Variants in SRGAP3 observed in about 807,000 individuals in gnomAD.
SRGAP3 encodes SLIT-ROBO Rho GTPase activating protein 3, also known as SLIT-ROBO Rho GTPase-activating protein 3.
Under a neutral mutation model 121.1 loss-of-function variants are expected in SRGAP3, and 39 were observed. The observed-to-expected ratio is 0.32, with a 90% confidence interval of 0.25 to 0.42. The LOEUF (loss-of-function observed/expected upper bound fraction) is 0.42. Among genes scored for constraint, SRGAP3 ranks in the 10% least tolerant of loss-of-function variants. The pLI, the probability that SRGAP3 is intolerant of heterozygous loss-of-function variation, is 1.00. For synonymous variants in SRGAP3, 601 were observed against 570.0 expected (o/e 1.05, Z -0.77); for missense variants, 1,213 against 1,470.6 (o/e 0.82, Z 2.86).
chr3:9,277,234 G>A (rs1202899033), intron 3 of SRGAP3, among the ~76,000 whole-genome samples: 1 of 152,068 alleles, frequency 6.6e-6, no homozygotes, highest in Non-Finnish European at 1.5e-5. Flanking sequence ...TGACTCATAG[G>A]TTTTACAGAA....
intron 1 of SRGAP3, among the ~76,000 whole-genome samples, chr3:9,362,411 G>A (rs1191291905): frequency 6.7e-6 from 1 of 150,298 alleles, no homozygotes; most frequent in African/African-American, 2.4e-5. Flanking sequence ...TGATCCACCC[G>A]CCTCAGCCTC....
chr3:9,354,590 A>G (rs1032702627), intron 1 of SRGAP3, among the ~76,000 whole-genome samples: 10 of 151,656 alleles, frequency 6.6e-5, no homozygotes, highest in Non-Finnish European at 2.9e-5. Flanking sequence ...GCTGAGGCAG[A>G]AGAATGGTGT....
intron 3 of SRGAP3, among the ~76,000 whole-genome samples, chr3:9,304,611 C>A (rs1288213415): frequency 6.6e-6 from 1 of 152,208 alleles, no homozygotes; most frequent in Non-Finnish European, 1.5e-5. Context: ...CTCCAAGCTA[C>A]AGCGAGTGGC....
At chr3:9,024,868 T>C (rs1421857237) in intron 14 of SRGAP3, among the ~76,000 whole-genome samples, 2 of 152,232 alleles carry the variant, frequency 1.3e-5, no homozygotes, top group Admixed American at 6.5e-5. Context: ...CAAGGTGCCC[T>C]TTCCCAGCAA....
At chr3:9,193,804 G>A (rs1951836132) in intron 1 of SRGAP3, 1 of 152,320 alleles carries the variant, frequency 6.6e-6, no homozygotes, top group African/African-American at 2.4e-5. Flanking sequence ...CCTTCTGAGT[G>A]AAGGTGATCC....
intron 3 of SRGAP3, among the ~76,000 whole-genome samples, chr3:9,316,370 A>G (rs114533311): frequency 0.047 from 6,948 of 149,170 alleles, 225 homozygotes; most frequent in Middle Eastern, 0.085. Flanking sequence ...AAAAAAAAAA[A>G]TTAATAGGCC....
chr3:9,047,346 T>C (rs561074925), intron 10 of SRGAP3, 45 bp downstream of exon 10: 2 of 1,596,926 alleles, frequency 1.3e-6, no homozygotes, highest in African/African-American at 2.7e-5. Context: ...TGAGAGCCAG[T>C]GGGGAACGCA....
chr3:9,323,930 C>T (rs952834980), intron 3 of SRGAP3, among the ~76,000 whole-genome samples: 17 of 151,692 alleles, frequency 1.1e-4, no homozygotes, highest in African/African-American at 3.6e-4. Context: ...GAACGATTTG[C>T]GAATTGGGCA....
At chr3:9,181,624 G>T (rs1194461605) in intron 1 of SRGAP3, among the ~76,000 whole-genome samples, 1 of 152,160 alleles carries the variant, frequency 6.6e-6, no homozygotes, top group Non-Finnish European at 1.5e-5. Flanking sequence ...TCTGTGCCTG[G>T]GCCCAAACAT....
chr3:9,273,299 G>A (rs574685507), intron 3 of SRGAP3, among the ~76,000 whole-genome samples: 2 of 152,302 alleles, frequency 1.3e-5, no homozygotes, highest in Admixed American at 1.3e-4. Context: ...ACAGGGGTTA[G>A]AGAACCCTGT....
chr3:9,058,381 C>T lies in SRGAP3; in HGVS notation c.893G>A (p.Gly298Glu). The stretch of plus-strand genomic sequence containing the variant: ...CACTGCATTCTCAATGACATCCAGC[C>T]CTTCGTGGCGAGAGGTCTCCAGGTT... ...EYNLETSRHE[G>E]LDVIENAVDN... is the part of the protein sequence containing the mutation. The change falls in exon 7 of 22, where the codon GGG (glycine) becomes GAG (glutamate). Residue 298 changes from glycine (G) to glutamate (E), a missense_variant. Physicochemically the swap from Gly to Glu is moderately conservative, Grantham distance 98. Coordinates refer to ENST00000383836, the MANE Select transcript of SRGAP3 (RefSeq NM_014850.4). 6.2e-7 allele frequency: 1 copy of T among 1,614,202 alleles called. No individual in the cohort carries two copies. Among genetic ancestry groups the T allele is most frequent in the Non-Finnish European group, 8.5e-7 (1 of 1,180,028 alleles).
intron 1 of SRGAP3, 50 bp from the exon 2 acceptor site, chr3:9,124,967 C>A (rs1358064906): frequency 6.2e-7 from 1 of 1,607,642 alleles, no homozygotes; most frequent in Non-Finnish European, 8.5e-7. Context: ...GGGACGGGGG[C>A]ACTGGGGCCC....
intron 3 of SRGAP3, among the ~76,000 whole-genome samples, chr3:9,308,091 GT>G (rs2125277290): frequency 6.6e-6 from 1 of 152,340 alleles, no homozygotes; most frequent in East Asian, 1.9e-4. Flanking sequence ...GGAGGCATAA[GT>G]TACAGTGAGC....
chr3:9,258,897 T>C (rs1421796384), intron 3 of SRGAP3, among the ~76,000 whole-genome samples: 2 of 152,184 alleles, frequency 1.3e-5, no homozygotes, highest in Non-Finnish European at 2.9e-5. Context: ...GAGTGAGCTT[T>C]TCACGTGTGA....
chr3:9,017,096 C>G (rs539367873), intron 14 of SRGAP3, among the ~76,000 whole-genome samples: 1 of 152,116 alleles, frequency 6.6e-6, no homozygotes, highest in South Asian at 2.1e-4. Context: ...ATTTCTCCAG[C>G]GGGCTCTGTT....
chr3:9,149,725 A>C (rs776498716), intron 1 of SRGAP3, among the ~76,000 whole-genome samples: 1 of 152,236 alleles, frequency 6.6e-6, no homozygotes, highest in Non-Finnish European at 1.5e-5. Context: ...AAGTAATCCC[A>C]GCCAAGTTCA....
intron 2 of SRGAP3, among the ~76,000 whole-genome samples, chr3:9,114,439 C>T (rs1488053751): frequency 6.6e-6 from 1 of 152,192 alleles, no homozygotes; most frequent in Admixed American, 6.5e-5. Context: ...TCCTCCATTA[C>T]TACTTTCTCC....
At chr3:9,145,606 A>C (rs1234481886) in intron 1 of SRGAP3, among the ~76,000 whole-genome samples, 1 of 152,234 alleles carries the variant, frequency 6.6e-6, no homozygotes, top group African/African-American at 2.4e-5. Context: ...AAGAATGTAC[A>C]ACCCTGGGAG....
chr3:9,283,759 T>C (rs568327959), intron 3 of SRGAP3, among the ~76,000 whole-genome samples: 43 of 152,064 alleles, frequency 2.8e-4, no homozygotes, highest in African/African-American at 1.0e-3. Context: ...CATGTTAAAG[T>C]TTTTTAAAAC....
Sources: allele counts gnomAD v4.1 joint callset (sites outside exome capture counted in the v4.1 genomes callset), GRCh38; gene constraint gnomAD v4.1.1; transcripts MANE v1.5; gene names NCBI Gene and HGNC (gene_info 2026-07-23, HGNC 2026-07-21).